Variants in SAYSD1 observed in about 807,000 individuals in gnomAD.
SAYSD1 encodes the protein SAYSVFN motif domain containing 1, also known as SAYSvFN domain-containing protein 1.
A neutral mutation model predicts 14.5 loss-of-function variants in SAYSD1; 15 were observed. The ratio of observed to expected loss-of-function variants is 1.03; its 90% CI spans 0.69 to 1.59. The LOEUF (loss-of-function observed/expected upper bound fraction) is 1.59. Among genes scored for constraint, SAYSD1 ranks in the 40% most tolerant of loss-of-function variants. SAYSD1 has a pLI of 0.00. For synonymous variants in SAYSD1, 105 were observed against 102.6 expected (o/e 1.02, Z -0.14); for missense variants, 247 against 227.3 (o/e 1.09, Z -0.56).
chr6:39,108,430 G>A (rs115830772), intron 1 of SAYSD1, among the ~76,000 whole-genome samples: 3 of 146,794 alleles, frequency 2.0e-5, no homozygotes, highest in African/African-American at 7.6e-5. Context: ...GTGTGGGGGT[G>A]GGGGGGTAAA....
At chr6:39,109,294 T>C in intron 1 of SAYSD1, 2 of 1,548,782 alleles carry the variant, frequency 1.3e-6, no homozygotes, top group Non-Finnish European at 8.7e-7. Context: ...GAGGTTTCTG[T>C]AGGAATTTTT....
rs1769724619 is a variant in SAYSD1, at chr6:39,115,143, A to G, written c.-54T>C. On this transcript the variant is annotated 5_prime_UTR_variant, in exon 1 of 2. Transcript: ENST00000229903. ...AAGGGAGCGCGCGCCCGCAGGCCGC[A>G]CAGCAGTTGCCTCCGCTCGGCCCGC... 7.5e-5 allele frequency: 114 copies of G among 1,517,054 alleles called. 1 individual carries two copies. The South Asian group carries it at 1.2e-3, about 16-fold the overall frequency. 94.0% of individuals were successfully genotyped at this position (1,517,054 alleles called of 1,614,324 possible).
chr6:39,109,108 C>T (rs953784760), intron 1 of SAYSD1, among the ~76,000 whole-genome samples: 4 of 151,990 alleles, frequency 2.6e-5, no homozygotes, highest in African/African-American at 4.8e-5. Context: ...CTAGATTTTG[C>T]GGGGGTGAGG....
rs769414726 is a variant in SAYSD1, at chr6:39,114,950, C to A, written c.140G>T (p.Trp47Leu). The A allele has an allele frequency of 4.3e-6, 7 of 1,613,746 alleles. No homozygotes were observed. The highest frequency in any genetic ancestry group is 4.0e-5 in the African/African-American group (3 of 74,940). Residue 47 changes from tryptophan (W) to leucine (L), a missense_variant, in exon 1 of 2, where the codon TGG becomes TTG. Coordinates refer to ENST00000229903, the MANE Select transcript of SAYSD1 (RefSeq NM_018322.3). ...TTTCCATACCAGGAACCGCTTTAGCCAGCCTGGGGCTGCCTTTAGAGTCGC... is the reference window on the plus strand; with the variant it reads ...TTTCCATACCAGGAACCGCTTTAGCAAGCCTGGGGCTGCCTTTAGAGTCGC... Reference protein sequence around the residue: ...AAATLKAAPGWLKRFLVWKPR... With the variant: ...AAATLKAAPGLLKRFLVWKPR...
At position 39,105,720 on chromosome 6, in the gene SAYSD1, A is replaced by G. The variant is rs767067947; in HGVS notation, c.264T>C (p.Pro88=). The change falls in exon 2 of 2, where the codon CCT becomes CCC. Residue 88 remains proline, a synonymous_variant. Transcript: ENST00000229903. The part of the protein sequence containing the change: ...TSETPWNTAI[P]LPSCWDQSFL... ...AAGACTGGTCCCAGCACGACGGCAG[A>G]GGAATGGCTGTGTTCCATGGTGTCT... 5.6e-6 allele frequency: 9 copies of G among 1,614,094 alleles called. No homozygotes were observed. The highest frequency in any genetic ancestry group is 6.8e-6 in the Non-Finnish European group (8 of 1,180,022).
chr6:39,111,916 T>C (rs1562029493), intron 1 of SAYSD1: 2 of 152,140 alleles, frequency 1.3e-5, no homozygotes, highest in Non-Finnish European at 2.9e-5. Context: ...GTTTGCAGCT[T>C]AGAAGAAGAT....
chr6:39,111,469 GA>G (rs1428962302), intron 1 of SAYSD1: 4 of 152,170 alleles, frequency 2.6e-5, no homozygotes, highest in Non-Finnish European at 4.4e-5. Context: ...AACAAAGAAA[GA>G]GTGGAAAAAC....
chr6:39,112,216 T>C (rs532622046), intron 1 of SAYSD1: 1 of 152,644 alleles, frequency 6.6e-6, no homozygotes, highest in Non-Finnish European at 1.5e-5. Flanking sequence ...AAATGAATGA[T>C]GACCTTCAAG....
At position 39,114,913 on chromosome 6, in the gene SAYSD1, C is replaced by T; in HGVS notation, c.177G>A (p.Ala59=). ...CTAGGCCGGGCTGGGCCCGGGCACT[C>T]GCGGGCCTAGGTTTCCATACCAGGA... is the stretch of plus-strand genomic sequence containing the variant. ...KRFLVWKPRP[A]SARAQPGLVQ... Residue 59 remains alanine, a synonymous_variant, in exon 1 of 2, where the codon GCG becomes GCA. Coordinates refer to ENST00000229903, the MANE Select transcript of SAYSD1 (RefSeq NM_018322.3). 6.2e-7 allele frequency: 1 copy of T among 1,612,808 alleles called. No individual in the cohort carries two copies. Among genetic ancestry groups the T allele is most frequent in the Non-Finnish European group, 8.5e-7 (1 of 1,179,922 alleles).
intron 1 of SAYSD1, chr6:39,109,486 G>A (rs1769586374): frequency 1.3e-6 from 2 of 1,499,904 alleles, no homozygotes; most frequent in Admixed American, 2.1e-5. Context: ...TCGGGGCAGA[G>A]GCATCATTGC....
chr6:39,105,574 C>G lies in SAYSD1; in HGVS notation c.410G>C (p.Gly137Ala). The change falls in exon 2 of 2, where the codon GGG (glycine) becomes GCG (alanine). Residue 137 changes from glycine (G) to alanine (A), a missense_variant. Physicochemically the swap from Gly to Ala is moderately conservative, Grantham distance 60 (BLOSUM62 0). Coordinates refer to ENST00000229903, the MANE Select transcript of SAYSD1 (RefSeq NM_018322.3). The stretch of plus-strand genomic sequence containing the variant: ...TTTCTTCTCTTCAGGGCCTCGTGTC[C>G]CGACGTACATCCAATAGAACAAGGA... ...VLSLFYWMYV[G>A]TRGPEEKKEG... is the part of the protein sequence containing the mutation. 5.0e-6 allele frequency: 8 copies of G among 1,614,180 alleles called. No homozygotes were observed. The highest frequency in any genetic ancestry group is 6.8e-6 in the Non-Finnish European group (8 of 1,180,032).
In SAYSD1 at chr6:39,105,363, A is replaced by G; in HGVS notation, c.*69T>C. On this transcript the variant is annotated 3_prime_UTR_variant, in exon 2 of 2. Coordinates refer to ENST00000229903, the MANE Select transcript of SAYSD1 (RefSeq NM_018322.3). ...GCTGCCCTTAGTCCTATACACCTGA[A>G]ATCAAATCCATAGCCAATGGTGAGG... 2 of 1,392,344 alleles carry G rather than the reference A, an allele frequency of 1.4e-6. No homozygotes were observed. Among genetic ancestry groups the G allele is most frequent in the Non-Finnish European group, 2.0e-6 (2 of 999,004 alleles). The allele number at this position is 1,392,344 out of a possible 1,614,324, so 86.2% of individuals were successfully genotyped here.
intron 1 of SAYSD1, chr6:39,112,875 T>C (rs1769654416): frequency 6.5e-6 from 1 of 154,242 alleles, no homozygotes; most frequent in Non-Finnish European, 1.5e-5. Flanking sequence ...TAAAAGACTG[T>C]TTCAGTATGA....
chr6:39,112,005 T>G (rs1391756422), intron 1 of SAYSD1: 1 of 152,036 alleles, frequency 6.6e-6, no homozygotes, highest in Non-Finnish European at 1.5e-5. Flanking sequence ...GGAAAGAAGT[T>G]GAAGTAAAAG....
At chr6:39,106,447 A>G (rs934425760) in intron 1 of SAYSD1, among the ~76,000 whole-genome samples, 2 of 152,206 alleles carry the variant, frequency 1.3e-5, no homozygotes, top group African/African-American at 4.8e-5. Flanking sequence ...GAATCGCTCA[A>G]ACCTGGGAGG....
rs930089048 is a variant in SAYSD1, at chr6:39,104,598, A to T, written c.*834T>A. The T allele has an allele frequency of 6.6e-6, 1 of 151,998 alleles. No homozygotes were observed. Among genetic ancestry groups the T allele is most frequent in the East Asian group, 1.9e-4 (1 of 5,198 alleles). 9.4% of individuals were successfully genotyped at this position (151,998 alleles called of 1,614,324 possible). A position where few individuals can be genotyped will look rare whatever the true frequency, so the allele number is the denominator to read the frequency against. ...CCACCACCACCCCGTCCATGGAAAA[A>T]CTGTGTTCCACAAAACTGGTCCCTG... On this transcript the variant is annotated 3_prime_UTR_variant, in exon 2 of 2. Coordinates refer to ENST00000229903, the MANE Select transcript of SAYSD1 (RefSeq NM_018322.3).
chr6:39,109,438 A>C, intron 1 of SAYSD1: 1 of 1,545,998 alleles, frequency 6.5e-7, no homozygotes. Context: ...GACTGCTGAA[A>C]AGATGCAGCG....
intron 1 of SAYSD1, among the ~76,000 whole-genome samples, chr6:39,107,877 A>G (rs1288714010): frequency 6.6e-6 from 1 of 152,086 alleles, no homozygotes; most frequent in Admixed American, 6.5e-5. Flanking sequence ...GAGGGAGGGC[A>G]TGAGGGTGGG....
At chr6:39,106,928 C>A (rs529275891) in intron 1 of SAYSD1, among the ~76,000 whole-genome samples, 47 of 152,284 alleles carry the variant, frequency 3.1e-4, no homozygotes, top group African/African-American at 1.0e-3. Flanking sequence ...TGAACATGAC[C>A]TACAATAAGG....
Sources: allele counts gnomAD v4.1 joint callset (sites outside exome capture counted in the v4.1 genomes callset), GRCh38; gene constraint gnomAD v4.1.1; transcripts MANE v1.5; gene names NCBI Gene and HGNC (gene_info 2026-07-23, HGNC 2026-07-21).